The following EPHA6 variants were observed in gnomAD, a reference collection of about 807,000 sequenced individuals.
EPHA6 encodes EPH receptor A6, also known as ephrin type-A receptor 6.
A neutral mutation model predicts 112.0 loss-of-function variants in EPHA6; 50 were observed. The ratio of observed to expected loss-of-function variants is 0.45; its 90% CI spans 0.36 to 0.56. The LOEUF (loss-of-function observed/expected upper bound fraction) is 0.56. Ranked by LOEUF, EPHA6 falls within the 20% of genes least tolerant of loss-of-function variation. The pLI, the probability that EPHA6 is intolerant of heterozygous loss-of-function variation, is 0.00. For missense variants in EPHA6, 1,280 were observed against 1,417.4 expected (o/e 0.90, Z 1.56); for synonymous variants, 529 against 490.7 (o/e 1.08, Z -1.03).
At chr3:96,824,416 C>T (rs1033569131) in intron 1 of EPHA6, among the ~76,000 whole-genome samples, 4 of 151,678 alleles carry the variant, frequency 2.6e-5, no homozygotes, top group Non-Finnish European at 5.9e-5. Flanking sequence ...AAAGTTTATT[C>T]ATTTTAATTT....
intron 11 of EPHA6, among the ~76,000 whole-genome samples, chr3:97,563,350 C>A (rs2093218137): frequency 6.6e-6 from 1 of 152,052 alleles, no homozygotes; most frequent in Admixed American, 6.6e-5. Flanking sequence ...GTAAAAACAT[C>A]CCTGAGGTGG....
intron 2 of EPHA6, among the ~76,000 whole-genome samples, chr3:96,946,579 G>A (rs1235417139): frequency 1.3e-5 from 2 of 152,118 alleles, no homozygotes; most frequent in Admixed American, 1.3e-4. Flanking sequence ...TATCACTAAT[G>A]GACATTTGGG....
At position 97,448,653 on chromosome 3, in the gene EPHA6, T is replaced by A. The variant is rs776198302; in HGVS notation, c.1817T>A (p.Val606Glu). ...GGTCTTAAGCCAGCCACCAAATATG[T>A]ATTTCACATCCGAGTGAGAACTGCG... ...ITGLKPATKY[V>E]FHIRVRTATG... Residue 606 changes from valine (V) to glutamate (E), a missense_variant, in exon 7 of 18, where the codon GTA becomes GAA. Physicochemically the swap from Val to Glu is moderately radical, Grantham distance 121 (BLOSUM62 -2). This residue lies in a region of EPHA6 where 878 missense variants were observed against 999.7 expected (regional missense o/e 0.88). Transcript: ENST00000389672. 3.7e-6 allele frequency: 6 copies of A among 1,613,564 alleles called. No homozygotes were observed. Among genetic ancestry groups the A allele is most frequent in the African/African-American group, 1.3e-5 (1 of 75,004 alleles).
intron 1 of EPHA6, among the ~76,000 whole-genome samples, chr3:96,863,337 C>T (rs1355533678): frequency 2.6e-5 from 4 of 151,886 alleles, no homozygotes; most frequent in Non-Finnish European, 5.9e-5. Flanking sequence ...GAGGAGCTCT[C>T]ACCTTGCTGT....
intron 3 of EPHA6, among the ~76,000 whole-genome samples, chr3:97,134,951 T>C (rs1213388446): frequency 6.6e-6 from 1 of 152,154 alleles, no homozygotes; most frequent in Admixed American, 6.6e-5. Context: ...GGTTGGGATT[T>C]AATGACAATT....
intron 3 of EPHA6, among the ~76,000 whole-genome samples, chr3:97,053,840 A>G (rs2045764754): frequency 1.3e-5 from 2 of 152,030 alleles, no homozygotes; most frequent in African/African-American, 4.8e-5. Context: ...CCTTCAGAGT[A>G]CCTCATTTTC....
intron 5 of EPHA6, among the ~76,000 whole-genome samples, chr3:97,254,141 T>C (rs1371394574): frequency 3.3e-5 from 5 of 152,032 alleles, no homozygotes; most frequent in African/African-American, 1.2e-4. Context: ...AATTAAATGC[T>C]ATTTGAAATG....
At position 96,949,765 on chromosome 3, in the gene EPHA6, G is replaced by C. The variant is rs1003647173; in HGVS notation, c.451-37565G>C. 5.9e-5 allele frequency among the ~76,000 whole-genome samples: 9 copies of C among 152,064 alleles called. No individual in the cohort carries two copies. In the East Asian group the frequency reaches 1.7e-3, roughly 29 times the overall value. On this transcript the variant is annotated intron_variant, in intron 2 of 17. Transcript: ENST00000389672. ...CAGTATTTTTACCACTTTCTTCTCT[G>C]CTTTTCCTCTACTGCTTAAACTTAC... is the stretch of plus-strand genomic sequence containing the variant.
At position 97,016,005 on chromosome 3, in the gene EPHA6, G is replaced by T. The variant is rs544190653; in HGVS notation, c.1114+28012G>T. Among the ~76,000 whole-genome samples, 193 of 149,828 alleles carry T rather than the reference G, an allele frequency of 1.3e-3. 2 individuals carry two copies. Among genetic ancestry groups the T allele is most frequent in the Admixed American group, 0.011 (172 of 15,028 alleles). ...TTTACTTGCACTATTTGGCTAACCTGCAGTTTGTTCATTCTTCCATTCTTC... is the reference window on the plus strand; with the variant it reads ...TTTACTTGCACTATTTGGCTAACCTTCAGTTTGTTCATTCTTCCATTCTTC... On this transcript the variant is annotated intron_variant, in intron 3 of 17. Coordinates refer to ENST00000389672, the MANE Select transcript of EPHA6 (RefSeq NM_001080448.3).
At chr3:96,917,510 G>C (rs2039548223) in intron 2 of EPHA6, among the ~76,000 whole-genome samples, 1 of 151,072 alleles carries the variant, frequency 6.6e-6, no homozygotes, top group African/African-American at 2.4e-5. Flanking sequence ...CAATGCTGTG[G>C]AAAAAAAATA....
At chr3:97,094,281 A>G (rs1273410854) in intron 3 of EPHA6, among the ~76,000 whole-genome samples, 3 of 152,184 alleles carry the variant, frequency 2.0e-5, no homozygotes, top group African/African-American at 7.2e-5. Context: ...GCAAATAATC[A>G]GTTTCTCTTA....
chr3:97,331,222 G>A (rs1183941153), intron 5 of EPHA6, among the ~76,000 whole-genome samples: 1 of 152,076 alleles, frequency 6.6e-6, no homozygotes, highest in Non-Finnish European at 1.5e-5. Context: ...CAACATACCA[G>A]AATCTGTAGG....
chr3:97,497,181 G>A (rs886354455), intron 10 of EPHA6, among the ~76,000 whole-genome samples: 8 of 152,292 alleles, frequency 5.3e-5, no homozygotes, highest in Admixed American at 5.2e-4. Flanking sequence ...ATCATGATCT[G>A]TTCTGGTCAA....
chr3:96,914,870 G>A lies in EPHA6; in HGVS notation c.450+47981G>A, dbSNP rs545587316. The stretch of plus-strand genomic sequence containing the variant: ...TGTGAGAAAAGGAGAAAACTGTGAG[G>A]TAATAAAATAAAAATTTACTTTAGC... On this transcript the variant is annotated intron_variant, in intron 2 of 17. Transcript: ENST00000389672. 8.4e-4 allele frequency among the ~76,000 whole-genome samples: 128 copies of A among 151,770 alleles called. 1 individual carries two copies. Among genetic ancestry groups the A allele is most frequent in the African/African-American group, 2.9e-3 (121 of 41,412 alleles).
intron 3 of EPHA6, among the ~76,000 whole-genome samples, chr3:97,172,263 T>C (rs1209713402): frequency 6.6e-6 from 1 of 152,078 alleles, no homozygotes. Flanking sequence ...TTCTGTCTCC[T>C]CTGGATATGT....
intron 3 of EPHA6, among the ~76,000 whole-genome samples, chr3:97,116,184 G>T (rs2108293133): frequency 6.6e-6 from 1 of 151,732 alleles, no homozygotes; most frequent in Admixed American, 6.6e-5. Context: ...TTCAATTAGA[G>T]TATCGTGATC....
intron 14 of EPHA6, among the ~76,000 whole-genome samples, chr3:97,716,460 C>A (rs1404245690): frequency 7.3e-6 from 1 of 137,866 alleles, no homozygotes; most frequent in African/African-American, 3.3e-5. Context: ...CCCAGCTACT[C>A]GGGAGGCTGA....
chr3:97,500,264 C>A (rs985120016), intron 10 of EPHA6, among the ~76,000 whole-genome samples: 1 of 151,966 alleles, frequency 6.6e-6, no homozygotes, highest in Non-Finnish European at 1.5e-5. Flanking sequence ...CCTAGAAATA[C>A]CTGAGACTGG....
chr3:96,863,644 A>C (rs909462529), intron 1 of EPHA6, among the ~76,000 whole-genome samples: 1 of 151,994 alleles, frequency 6.6e-6, no homozygotes, highest in African/African-American at 2.4e-5. Flanking sequence ...AGGTACATAC[A>C]TATTTTCCTT....
Sources: allele counts gnomAD v4.1 joint callset (sites outside exome capture counted in the v4.1 genomes callset), GRCh38; gene constraint gnomAD v4.1.1; regional missense constraint gnomAD v4.1.1; transcripts MANE v1.5; gene names NCBI Gene and HGNC (gene_info 2026-07-23, HGNC 2026-07-21).